Variants in RALGAPA2 observed in about 807,000 individuals in gnomAD.
The protein encoded by RALGAPA2 is Ral GTPase activating protein catalytic subunit alpha 2.
Under a neutral mutation model 230.4 loss-of-function variants are expected in RALGAPA2, and 139 were observed. The observed-to-expected ratio is 0.60, with a 90% CI of 0.53 to 0.69. RALGAPA2 has a LOEUF of 0.69. Among genes scored for constraint, RALGAPA2 ranks in the 30% least tolerant of loss-of-function variants. The probability of loss-of-function intolerance (pLI) is 0.00; values close to 1 mark genes in which losing one functional copy is unlikely to be tolerated. For missense variants in RALGAPA2, 2,163 were observed against 2,276.0 expected, an observed-to-expected ratio of 0.95 and a Z score of 1.01; for synonymous variants, 847 against 837.8, an observed-to-expected ratio of 1.01 and a Z score of -0.19.
chr20:20,592,938 CT>C (rs369668037), intron 16 of RALGAPA2, among the ~76,000 whole-genome samples: 47 of 147,372 alleles, frequency 3.2e-4, no homozygotes, highest in Admixed American at 2.7e-4. Context: ...TATCAATTTA[CT>C]TTTTTTTTTT....
rs192632468 is a variant in RALGAPA2 at position 20,638,386 on chromosome 20, C to T, written c.667-885G>A. Among the ~76,000 whole-genome samples the T allele has an allele frequency of 7.9e-5, 12 of 152,300 alleles. No individual in the cohort carries two copies. In the East Asian group the frequency reaches 2.3e-3, roughly 29 times the overall value. ...TAAAGGGATGAGATGCTTTGGCTAC[C>T]GCAGGGGCAGCGGGGTTCAGCATCC... On this transcript the variant is annotated intron_variant, in intron 7 of 39. Coordinates refer to ENST00000202677, the MANE Select transcript of RALGAPA2 (RefSeq NM_020343.4).
At chr20:20,623,567 C>T (rs1447828446) in intron 10 of RALGAPA2, among the ~76,000 whole-genome samples, 2 of 151,016 alleles carry the variant, frequency 1.3e-5, no homozygotes, top group African/African-American at 4.9e-5. Context: ...GAACACTAAG[C>T]AAAAAAATAA....
chr20:20,546,929 C>T (rs1602735414), intron 23 of RALGAPA2, 97 bp from the exon 24 acceptor site: 1 of 1,248,288 alleles, frequency 8.0e-7, no homozygotes, highest in Non-Finnish European at 1.1e-6. Context: ...GTATAATAAT[C>T]CAAGAGAGCA....
Position 20,593,030 on chromosome 20 carries a change from A to C in RALGAPA2, c.2204-1716T>G, listed in dbSNP as rs532575262. ...CCCCCCTGGCTCAACTGATTCTCACACCTCACCCTCCTGAGTACCTGGGAG... is the reference window on the plus strand; with the variant it reads ...CCCCCCTGGCTCAACTGATTCTCACCCCTCACCCTCCTGAGTACCTGGGAG... On this transcript the variant is annotated intron_variant, in intron 16 of 39. Coordinates refer to ENST00000202677, the MANE Select transcript of RALGAPA2 (RefSeq NM_020343.4). Among the ~76,000 whole-genome samples the C allele has an allele frequency of 3.3e-5, 5 of 151,988 alleles. No homozygotes were observed. In the East Asian group the frequency reaches 9.7e-4, roughly 29 times the overall value.
intron 38 of RALGAPA2, among the ~76,000 whole-genome samples, chr20:20,402,872 C>G (rs562312641): frequency 6.6e-6 from 1 of 152,120 alleles, no homozygotes. Flanking sequence ...AAGGTCTTGC[C>G]CTCTGCCCGT....
At chr20:20,677,629 ATTTTTTT>A (rs758379115) in intron 2 of RALGAPA2, among the ~76,000 whole-genome samples, 10 of 64,282 alleles carry the variant, frequency 1.6e-4, no homozygotes, top group Non-Finnish European at 2.3e-4. Context: ...GATTTGACCC[ATTTTTTT>A]TTTTTTTTTT....
chr20:20,536,235 A>G (rs1157133376), intron 25 of RALGAPA2, among the ~76,000 whole-genome samples: 1 of 152,252 alleles, frequency 6.6e-6, no homozygotes, highest in African/African-American at 2.4e-5. Context: ...TTATTCTCCA[A>G]TAAATAATTT....
chr20:20,492,118 T>G (rs960777757), intron 36 of RALGAPA2, among the ~76,000 whole-genome samples: 3 of 152,202 alleles, frequency 2.0e-5, no homozygotes. Context: ...CATTATTACA[T>G]ACGCTATTAA....
chr20:20,623,573 A>T (rs2066388842), intron 10 of RALGAPA2, among the ~76,000 whole-genome samples: 1 of 152,100 alleles, frequency 6.6e-6, no homozygotes, highest in African/African-American at 2.4e-5. Context: ...TAAGCAAAAA[A>T]ATAATGCAGC....
intron 23 of RALGAPA2, among the ~76,000 whole-genome samples, chr20:20,562,672 T>A (rs1339864460): frequency 1.3e-5 from 2 of 152,206 alleles, no homozygotes; most frequent in East Asian, 3.9e-4. Context: ...CTCCATGCTA[T>A]CATCTTACAC....
At position 20,513,283 on chromosome 20, in the gene RALGAPA2, C is replaced by T; in HGVS notation, c.4086G>A (p.Glu1362=). The change falls in exon 32 of 40, where the codon GAG becomes GAA. Residue 1362 remains glutamate, a splice_region_variant and synonymous_variant. Transcript: ENST00000202677. ...TCAACTCCAAACTTCTTCTCTTCTT[C>T]TCTGTAAACAGCGGTAAAGAAACAT... ...ELGNLLTVEE[E]KKRRSLELIP... is the part of the protein sequence containing the mutation. 1 of 1,454,218 alleles carries T rather than the reference C, an allele frequency of 6.9e-7. No individual in the cohort carries two copies. The highest frequency in any genetic ancestry group is 1.7e-5 in the South Asian group (1 of 58,284). The allele number at this position is 1,454,218 out of a possible 1,614,324, so 90.1% of individuals were successfully genotyped here.
At chr20:20,636,124 T>C (rs555680104) in intron 8 of RALGAPA2, among the ~76,000 whole-genome samples, 3 of 152,310 alleles carry the variant, frequency 2.0e-5, no homozygotes, top group Non-Finnish European at 4.4e-5. Context: ...TCATCTACTT[T>C]ATATTTAAAA....
At chr20:20,436,516 A>G (rs140978865) in intron 37 of RALGAPA2, among the ~76,000 whole-genome samples, 209 of 152,312 alleles carry the variant, frequency 1.4e-3, no homozygotes, top group African/African-American at 4.9e-3. Flanking sequence ...CGTCACGGCA[A>G]TACATGAGTA....
chr20:20,635,309 A>T, intron 9 of RALGAPA2, 109 bp downstream of exon 9: 1 of 1,215,650 alleles, frequency 8.2e-7, no homozygotes, highest in South Asian at 1.3e-5. Flanking sequence ...CTTACCTATA[A>T]CCAACAACTT....
intron 37 of RALGAPA2, among the ~76,000 whole-genome samples, chr20:20,448,351 T>C (rs2060911767): frequency 6.6e-6 from 1 of 152,204 alleles, no homozygotes; most frequent in African/African-American, 2.4e-5. Flanking sequence ...GGTTGTCCGG[T>C]TGTTAAAAAT....
intron 36 of RALGAPA2, 58 bp from the exon 37 acceptor site, chr20:20,473,014 T>C (rs1366683826): frequency 1.3e-6 from 2 of 1,525,646 alleles, no homozygotes; most frequent in Admixed American, 3.7e-5. Context: ...AAATCAAAGA[T>C]ATGAGAGTAG....
intron 37 of RALGAPA2, among the ~76,000 whole-genome samples, chr20:20,431,884 C>T (rs1162107281): frequency 6.6e-6 from 1 of 152,154 alleles, no homozygotes; most frequent in African/African-American, 2.4e-5. Flanking sequence ...ATAATGTCTA[C>T]AAGAGGCCTG....
At chr20:20,439,097 G>A (rs910560002) in intron 37 of RALGAPA2, among the ~76,000 whole-genome samples, 4 of 152,126 alleles carry the variant, frequency 2.6e-5, no homozygotes, top group Non-Finnish European at 5.9e-5. Context: ...ACTAGGAGAC[G>A]TGACCTGGCT....
chr20:20,625,822 G>A (rs768690484), intron 10 of RALGAPA2, among the ~76,000 whole-genome samples: 1 of 152,154 alleles, frequency 6.6e-6, no homozygotes, highest in East Asian at 1.9e-4. Flanking sequence ...CTGCCTACAC[G>A]AAGCATTCTA....
Sources: gnomAD v4.1 joint callset for allele counts (sites outside exome capture counted in the v4.1 genomes callset) on GRCh38, gnomAD v4.1.1 for gene constraint, MANE v1.5 for transcripts, NCBI Gene and HGNC (gene_info 2026-07-23, HGNC 2026-07-21) for gene names.